TRO: variants seen among roughly 807,000 people sequenced by gnomAD.
The protein encoded by TRO is trophinin, also known as MAGE superfamily protein.
TRO carries 29 observed loss-of-function variants against 42.3 expected under a neutral mutation model. That is an observed-to-expected ratio of 0.68 (90% confidence interval 0.51 to 0.93). The LOEUF is 0.93. TRO is among the 40% of genes least tolerant of loss of function. The pLI is 0.00. For missense variants in TRO, 963 were observed against 1,127.7 expected (o/e 0.85, Z 2.09); for synonymous variants, 384 against 425.2 (o/e 0.90, Z 1.19).
intron 3 of TRO, 192 bp from the exon 4 acceptor site, chrX:54,924,259 C>G: frequency 7.2e-6 from 3 of 413,840 alleles, no homozygotes; most frequent in Non-Finnish European, 1.2e-5. Flanking sequence ...GAACGAAACT[C>G]CTTCCTGGAA....
Position 54,929,766 on chromosome X carries a change from C to T in TRO, c.3042C>T (p.Gly1014=). 2 of 1,212,088 alleles carry T rather than the reference C, an allele frequency of 1.7e-6. No homozygotes were observed. The highest frequency in any genetic ancestry group is 2.2e-6 in the Non-Finnish European group (2 of 895,545). The change falls in exon 12 of 13, where the codon GGC becomes GGT. Residue 1014 remains glycine, a synonymous_variant. Transcript: ENST00000173898. ...GTGTCTGCTTTGGTGGCTCTCCTGG[C>T]ACCAGTGTCAGCTTTGGCAGTGCAC... is the stretch of plus-strand genomic sequence containing the variant. ...STSVCFGGSP[G]TSVSFGSALN...
chrX:54,927,534 T>A, intron 10 of TRO, 133 bp from the exon 11 acceptor site: 2 of 481,457 alleles, frequency 4.2e-6, no homozygotes, highest in Middle Eastern at 9.1e-4. Flanking sequence ...GTAGTGAGTC[T>A]GGGGCTGGAG....
In TRO at chrX:54,929,037, T is replaced by C. The variant is rs1932882799; in HGVS notation, c.2313T>C (p.Asn771=). The C allele has an allele frequency of 8.2e-7, 1 of 1,212,260 alleles. No individual in the cohort carries two copies. Among genetic ancestry groups the C allele is most frequent in the Non-Finnish European group, 1.1e-6 (1 of 895,634 alleles). ...CCAGCACCAGTGCCAGCTTCAGCAA[T>C]ACAGCCAGCATTAGCTTTGGTGGTA... ...VAPSTSASFS[N]TASISFGGTL... The change falls in exon 12 of 13, where the codon AAT becomes AAC. Residue 771 remains asparagine (N), a synonymous_variant. Transcript: ENST00000173898.
intron 1 of TRO, among the ~76,000 whole-genome samples, chrX:54,921,765 G>C (rs1246219477): frequency 9.3e-6 from 1 of 107,021 alleles, no homozygotes; most frequent in Non-Finnish European, 1.9e-5. Flanking sequence ...GGGAAGGGTT[G>C]GATCGAGATG....
rs868450622 is a variant in TRO at position 54,930,997 on chromosome X, G to A, written c.4273G>A (p.Ala1425Thr). The change falls in exon 12 of 13, where the codon GCC becomes ACC. Residue 1425 changes from alanine (A) to threonine (T), a missense_variant. Transcript: ENST00000173898. Reference sequence around the variant, plus strand: ...TGGCAGTGGAGCCGCCAGTCTTGGTGCCTGTGGCTTCTCGTATGGCTAGTG... The same window carrying A: ...TGGCAGTGGAGCCGCCAGTCTTGGTACCTGTGGCTTCTCGTATGGCTAGTG... Reference protein sequence around the residue: ...GFGSGAASLGACGFSYG With the variant: ...GFGSGAASLGTCGFSYG 6 of 1,193,276 alleles carry A rather than the reference G, an allele frequency of 5.0e-6. No homozygotes were observed. The highest frequency in any genetic ancestry group is 5.6e-6 in the Non-Finnish European group (5 of 885,003).
intron 10 of TRO, 138 bp from the exon 11 acceptor site, chrX:54,927,529 G>C (rs1932807418): frequency 4.2e-6 from 2 of 471,078 alleles, no homozygotes; most frequent in Non-Finnish European, 3.7e-6. Flanking sequence ...GTTTGGTAGT[G>C]AGTCTGGGGC....
intron 1 of TRO, 64 bp from the exon 2 acceptor site, chrX:54,922,139 C>A (rs988200078): frequency 4.4e-6 from 4 of 907,909 alleles, no homozygotes. Context: ...ACATGAGACT[C>A]CCCTAAGTCA....
chrX:54,923,452 G>T lies in TRO; in HGVS notation c.920G>T (p.Ser307Ile). The change falls in exon 3 of 13, where the codon AGC becomes ATC. Residue 307 changes from serine to isoleucine, a missense_variant. Physicochemically the swap from Ser to Ile is moderately radical, Grantham distance 142 (BLOSUM62 -2). Transcript: ENST00000173898. ...AAATCCAAGGGCAAGAAGGCTGCCA[G>T]CAGGGGCCCAAATTCTGTCTCTGAG... ...PKKSKGKKAA[S>I]RGPNSVSEIS... is the part of the protein sequence containing the mutation. 1 of 1,190,429 alleles carries T rather than the reference G, an allele frequency of 8.4e-7. No homozygotes were observed. The highest frequency in any genetic ancestry group is 3.1e-5 in the East Asian group (1 of 32,694).
In TRO at chrX:54,930,803, G is replaced by A; in HGVS notation, c.4079G>A (p.Gly1360Glu). The A allele has an allele frequency of 8.3e-7, 1 of 1,211,896 alleles. No homozygotes were observed. Among genetic ancestry groups the A allele is most frequent in the Non-Finnish European group, 1.1e-6 (1 of 895,343 alleles). ...EPSTSTGFSSGPSSIVGFSGG... is the reference protein window; with the variant it reads ...EPSTSTGFSSEPSSIVGFSGG... ...AGCACCAGCACGGGCTTCAGTAGTGGACCCAGTTCTATTGTTGGCTTCAGC... is the reference window on the plus strand; with the variant it reads ...AGCACCAGCACGGGCTTCAGTAGTGAACCCAGTTCTATTGTTGGCTTCAGC... Residue 1360 changes from glycine (G) to glutamate (E), a missense_variant, in exon 12 of 13, where the codon GGA becomes GAA. By Grantham distance (98) the Gly-to-Glu change is moderately conservative. Around this residue, in one of 2 missense-constraint regions of TRO, gnomAD observed 641 missense variants for 811.3 expected, o/e 0.79. Transcript: ENST00000173898.
Position 54,928,697 on chromosome X carries a change from A to G in TRO, c.1973A>G (p.Glu658Gly), listed in dbSNP as rs752996257. The change falls in exon 12 of 13, where the codon GAA (glutamate) becomes GGA (glycine). Residue 658 changes from glutamate to glycine, a missense_variant. Around this residue, in one of 2 missense-constraint regions of TRO, gnomAD observed 641 missense variants for 811.3 expected, o/e 0.79. Coordinates refer to ENST00000173898, the MANE Select transcript of TRO (RefSeq NM_001039705.3). ...QAAAVAVAEA[E>G]ARAEARAQMG... Reference sequence around the variant, plus strand: ...GCAGCTGTGGCTGTGGCTGAGGCTGAAGCCAGGGCTGAGGCAAGAGCCCAA... The same window carrying G: ...GCAGCTGTGGCTGTGGCTGAGGCTGGAGCCAGGGCTGAGGCAAGAGCCCAA... The G allele has an allele frequency of 1.7e-6, 2 of 1,208,496 alleles. No individual in the cohort carries two copies. Among genetic ancestry groups the G allele is most frequent in the Admixed American group, 4.4e-5 (2 of 45,675 alleles).
intron 11 of TRO, 80 bp from the exon 12 acceptor site, chrX:54,928,523 A>T: frequency 9.4e-7 from 1 of 1,065,215 alleles, no homozygotes; most frequent in Non-Finnish European, 1.2e-6. Flanking sequence ...AAGTATTGCT[A>T]CTAGTTTAAT....
rs1043626931 is a variant in TRO at position 54,929,261 on chromosome X, G to T, written c.2537G>T (p.Ser846Ile). ...STSATFSGGA[S>I]SGFGGTLSTT... is the part of the protein sequence containing the mutation. ...AGTGCCACTTTCAGTGGTGGAGCCA[G>T]CTCTGGCTTTGGAGGCACACTCAGC... The change falls in exon 12 of 13, where the codon AGC (serine) becomes ATC (isoleucine). Residue 846 changes from serine (S) to isoleucine (I), a missense_variant. By Grantham distance (142) the Ser-to-Ile change is moderately radical. This residue lies in a region of TRO where 641 missense variants were observed against 811.3 expected (regional missense o/e 0.79). Coordinates refer to ENST00000173898, the MANE Select transcript of TRO (RefSeq NM_001039705.3). The T allele has an allele frequency of 1.1e-5, 13 of 1,211,145 alleles. No homozygotes were observed. The South Asian group carries it at 1.4e-4, about 13-fold the overall frequency.
chrX:54,927,225 C>A, intron 10 of TRO, 120 bp downstream of exon 10: 1 of 795,645 alleles, frequency 1.3e-6, no homozygotes, highest in Non-Finnish European at 1.8e-6. Flanking sequence ...CATCCTGTGT[C>A]CTAGAACTGA....
At chrX:54,927,208 G>A in intron 10 of TRO, 103 bp downstream of exon 10, 1 of 926,432 alleles carries the variant, frequency 1.1e-6, no homozygotes, top group Non-Finnish European at 1.5e-6. Flanking sequence ...AGCTTTAGAG[G>A]GATGGGCATC....
rs1447084780 is a variant in TRO at position 54,922,573 on chromosome X, T to A, written c.46-5T>A. The A allele has an allele frequency of 8.3e-7, 1 of 1,203,494 alleles. No individual in the cohort carries two copies. Among genetic ancestry groups the A allele is most frequent in the Non-Finnish European group, 1.1e-6 (1 of 891,123 alleles). On this transcript the variant is annotated splice_polypyrimidine_tract_variant and splice_region_variant and intron_variant, in intron 2 of 12. Transcript: ENST00000173898. ...GCCCAGAGGATGGTAATCCTAAGTGTGTAGGGCCCTCTGCCTCCCCCGGGG... is the reference window on the plus strand; with the variant it reads ...GCCCAGAGGATGGTAATCCTAAGTGAGTAGGGCCCTCTGCCTCCCCCGGGG...
intron 11 of TRO, 47 bp downstream of exon 11, chrX:54,927,828 C>A: frequency 9.1e-7 from 1 of 1,097,404 alleles, no homozygotes. Flanking sequence ...CAATGGGATA[C>A]CCTTGGCTGG....
In TRO at chrX:54,931,350, GT is replaced by G; in HGVS notation, c.*161del. 1 of 1,205,178 alleles carries G rather than the reference GT, an allele frequency of 8.3e-7. No homozygotes were observed. The highest frequency in any genetic ancestry group is 1.1e-6 in the Non-Finnish European group (1 of 890,035). ...AGGGTGTCATGTGATGGAAAAATCT[GT>G]TTGCTGTTCCTGCTTTATTGTTTGC... On this transcript the variant is annotated 3_prime_UTR_variant, in exon 13 of 13. Transcript: ENST00000173898.
chrX:54,928,276 T>C (rs1932838675), intron 11 of TRO, among the ~76,000 whole-genome samples: 1 of 112,190 alleles, frequency 8.9e-6, no homozygotes, highest in South Asian at 3.7e-4. Flanking sequence ...ATAAAGGCCC[T>C]ATCTCCAAGT....
Position 54,931,187 on chromosome X carries a change from A to T in TRO, c.*12-17A>T. On this transcript the variant is annotated splice_polypyrimidine_tract_variant and intron_variant, in intron 12 of 12. Coordinates refer to ENST00000173898, the MANE Select transcript of TRO (RefSeq NM_001039705.3). ...GTATTTGGTGCTAAAATGTGTTCCT[A>T]TTTGTTTTGTTTTCAGATTTATTCC... 2 of 1,209,859 alleles carry T rather than the reference A, an allele frequency of 1.7e-6. No individual in the cohort carries two copies. Among genetic ancestry groups the T allele is most frequent in the Non-Finnish European group, 2.2e-6 (2 of 894,290 alleles).
Sources: gnomAD v4.1 joint callset for allele counts (sites outside exome capture counted in the v4.1 genomes callset) on GRCh38, gnomAD v4.1.1 for gene constraint, gnomAD v4.1.1 regional missense constraint, MANE v1.5 for transcripts, NCBI Gene and HGNC (gene_info 2026-07-23, HGNC 2026-07-21) for gene names.